NSUN6: variants seen among roughly 807,000 people sequenced by gnomAD.
The protein encoded by NSUN6 is tRNA (cytosine(72)-C(5))-methyltransferase NSUN6.
In NSUN6, 64 loss-of-function variants were observed where a neutral mutation model predicts 58.0. The observed-to-expected ratio is 1.10, with a 90% confidence interval of 0.90 to 1.36. NSUN6 has a LOEUF of 1.36. Among genes scored for constraint, NSUN6 ranks in the 40% most tolerant of loss-of-function variants. The pLI, the probability that NSUN6 is intolerant of heterozygous loss-of-function variation, is 0.00. For synonymous variants in NSUN6, 231 were observed against 193.9 expected (o/e 1.19, Z -1.59); for missense variants, 701 against 550.1 (o/e 1.27, Z -2.74).
At chr10:18,616,160 G>T in intron 4 of NSUN6, 24 bp downstream of exon 4, 2 of 1,264,006 alleles carry the variant, frequency 1.6e-6, no homozygotes, top group Non-Finnish European at 2.3e-6. Context: ...GAACCTTAAA[G>T]ACAAATCTAA....
chr10:18,552,861 A>T (rs1340326043), intron 8 of NSUN6, among the ~76,000 whole-genome samples: 2 of 150,484 alleles, frequency 1.3e-5, no homozygotes, highest in Non-Finnish European at 3.0e-5. Context: ...ACTGCATTCC[A>T]CATACCATTC....
At chr10:18,568,572 C>T (rs1206475041) in intron 8 of NSUN6, among the ~76,000 whole-genome samples, 2 of 150,770 alleles carry the variant, frequency 1.3e-5, no homozygotes, top group Admixed American at 1.3e-4. Context: ...CCATTCCATT[C>T]CCCTTTCCAT....
intron 6 of NSUN6, among the ~76,000 whole-genome samples, chr10:18,602,720 C>T (rs1219128690): frequency 6.6e-6 from 1 of 152,132 alleles, no homozygotes; most frequent in Non-Finnish European, 1.5e-5. Context: ...TTTGGCAGTC[C>T]AGTCTCCTCC....
intron 7 of NSUN6, among the ~76,000 whole-genome samples, chr10:18,592,071 C>T (rs1046956711): frequency 6.6e-5 from 10 of 151,922 alleles, no homozygotes; most frequent in African/African-American, 2.4e-4. Context: ...TCCTTTACAC[C>T]AACAACAGAC....
At chr10:18,552,439 G>A (rs1359691279) in intron 8 of NSUN6, among the ~76,000 whole-genome samples, 1 of 152,114 alleles carries the variant, frequency 6.6e-6, no homozygotes, top group Non-Finnish European at 1.5e-5. Context: ...GTCTAGAATA[G>A]GGAGAATGAG....
chr10:18,550,718 C>T (rs959929559), intron 9 of NSUN6, among the ~76,000 whole-genome samples: 30 of 128,880 alleles, frequency 2.3e-4, no homozygotes, highest in African/African-American at 8.2e-4. Context: ...AGACGACCCC[C>T]AAAAAATCTC....
At chr10:18,573,972 C>T (rs543715857) in intron 8 of NSUN6, among the ~76,000 whole-genome samples, 1 of 152,158 alleles carries the variant, frequency 6.6e-6, no homozygotes, top group South Asian at 2.1e-4. Flanking sequence ...ATCCTGTGGA[C>T]TTCTGAGGAA....
At chr10:18,546,878 C>T (rs1400972324) in intron 10 of NSUN6, among the ~76,000 whole-genome samples, 2 of 135,994 alleles carry the variant, frequency 1.5e-5, no homozygotes, top group South Asian at 4.7e-4. Context: ...TCTCAAAAAA[C>T]AAAAAATGAA....
At chr10:18,624,337 C>G (rs1370591809) in intron 3 of NSUN6, among the ~76,000 whole-genome samples, 1 of 151,874 alleles carries the variant, frequency 6.6e-6, no homozygotes, top group Admixed American at 6.6e-5. Context: ...ATACTATTGA[C>G]AAGAGAGCCA....
intron 9 of NSUN6, among the ~76,000 whole-genome samples, chr10:18,550,364 A>G (rs528263765): frequency 2.0e-5 from 3 of 152,362 alleles, no homozygotes; most frequent in South Asian, 4.1e-4. Context: ...CTACCTTTGT[A>G]TATGAAAGGA....
chr10:18,639,386 C>G (rs1347111277), intron 3 of NSUN6, among the ~76,000 whole-genome samples: 1 of 151,846 alleles, frequency 6.6e-6, no homozygotes, highest in Non-Finnish European at 1.5e-5. Flanking sequence ...CCCAGCTACT[C>G]GGGAGGCTGA....
chr10:18,639,836 A>T (rs916341903), intron 3 of NSUN6, among the ~76,000 whole-genome samples: 3 of 152,248 alleles, frequency 2.0e-5, no homozygotes, highest in African/African-American at 7.2e-5. Flanking sequence ...TACACTGCTG[A>T]AACATTAACT....
At position 18,648,643 on chromosome 10, in the gene NSUN6, A is replaced by T. The variant is rs542757623; in HGVS notation, c.78T>A (p.Ile26=). The change falls in exon 2 of 11, where the codon ATT becomes ATA. Residue 26 remains isoleucine (I), a splice_region_variant and synonymous_variant. Coordinates refer to ENST00000377304, the MANE Select transcript of NSUN6 (RefSeq NM_182543.5). The part of the protein sequence containing the change: ...YLKEGFMNKE[I]VTALGKQEAE... ...CTTCTTGTTTACCTAAAGCAGTCAC[A>T]ATCTAAAAAGAAGTTCATGTTTAAA... 2 of 1,543,038 alleles carry T rather than the reference A, an allele frequency of 1.3e-6. No homozygotes were observed. Among genetic ancestry groups the T allele is most frequent in the Admixed American group, 1.9e-5 (1 of 53,492 alleles).
At chr10:18,567,439 T>A (rs1412521646) in intron 8 of NSUN6, among the ~76,000 whole-genome samples, 1 of 150,778 alleles carries the variant, frequency 6.6e-6, no homozygotes, top group Admixed American at 6.6e-5. Flanking sequence ...CCATGCTCCA[T>A]TCCATTCCAT....
Position 18,651,248 on chromosome 10 carries a change from G to A in NSUN6, c.-45C>T, listed in dbSNP as rs750265657. The A allele has an allele frequency of 8.0e-6, 12 of 1,497,548 alleles. No homozygotes were observed. In the East Asian group the frequency reaches 2.6e-4, roughly 32 times the overall value. The allele number at this position is 1,497,548 out of a possible 1,614,324, so 92.8% of individuals were successfully genotyped here. On this transcript the variant is annotated 5_prime_UTR_variant, in exon 1 of 11. Coordinates refer to ENST00000377304, the MANE Select transcript of NSUN6 (RefSeq NM_182543.5). ...TCCACCAAGAGAAATGCTGGAAAAC[G>A]GTGTTTTGTTTTTTTTTTTCTTTCC...
rs531050950 is a variant in NSUN6, at chr10:18,590,322, C to T, written c.778-4229G>A. Among the ~76,000 whole-genome samples the T allele has an allele frequency of 7.2e-5, 11 of 152,312 alleles. No homozygotes were observed. In the East Asian group the frequency reaches 2.1e-3, roughly 29 times the overall value. ...ACACAATAATAGTGGGAGACTTTAA[C>T]ACCCTACTGTTAATAGTAGATCAAT... On this transcript the variant is annotated intron_variant, in intron 7 of 10. Transcript: ENST00000377304.
intron 8 of NSUN6, among the ~76,000 whole-genome samples, chr10:18,558,093 G>A (rs1246890714): frequency 2.0e-5 from 3 of 150,978 alleles, no homozygotes; most frequent in African/African-American, 7.3e-5. Flanking sequence ...ATGAAGAATG[G>A]AGAATGGAAT....
At chr10:18,573,279 C>T (rs2056479330) in intron 8 of NSUN6, among the ~76,000 whole-genome samples, 1 of 150,970 alleles carries the variant, frequency 6.6e-6, no homozygotes, top group Non-Finnish European at 1.5e-5. Context: ...TTCCATTCTG[C>T]ATACTCCATC....
chr10:18,653,345 C>T (rs2059741336), upstream of NSUN6: 3 of 981,220 alleles, frequency 3.1e-6, no homozygotes, highest in Non-Finnish European at 3.6e-6. Context: ...TCACTAGTGC[C>T]ACACACGGAC....
Sources: gnomAD v4.1 joint callset for allele counts (sites outside exome capture counted in the v4.1 genomes callset) on GRCh38, gnomAD v4.1.1 for gene constraint, MANE v1.5 for transcripts, NCBI Gene and HGNC (gene_info 2026-07-23, HGNC 2026-07-21) for gene names.